CTNNA3: variants seen among roughly 807,000 people sequenced by gnomAD.
The protein encoded by CTNNA3 is catenin alpha 3, also known as catenin alpha-3.
Under a neutral mutation model 95.7 loss-of-function variants are expected in CTNNA3, and 76 were observed. That is an observed-to-expected ratio of 0.79 (90% confidence interval 0.66 to 0.96). The LOEUF is 0.96. CTNNA3 is among the 40% of genes least tolerant of loss of function. CTNNA3 has a pLI of 0.00. For synonymous variants in CTNNA3, 431 were observed against 374.4 expected, an observed-to-expected ratio of 1.15 and a Z score of -1.74; for missense variants, 1,191 against 1,089.8, an observed-to-expected ratio of 1.09 and a Z score of -1.31.
chr10:67,183,415 C>T (rs1439086070), intron 6 of CTNNA3, among the ~76,000 whole-genome samples: 2 of 152,074 alleles, frequency 1.3e-5, no homozygotes, highest in Non-Finnish European at 2.9e-5. Flanking sequence ...TGGAAACCAT[C>T]ATTGTCAGCA....
At chr10:66,044,224 T>G (rs966466006) in intron 15 of CTNNA3, among the ~76,000 whole-genome samples, 19 of 152,146 alleles carry the variant, frequency 1.2e-4, no homozygotes, top group African/African-American at 4.3e-4. Flanking sequence ...ACTTGTGACC[T>G]TAGGTGATCT....
chr10:67,182,736 T>A (rs1442029469), intron 6 of CTNNA3, among the ~76,000 whole-genome samples: 2 of 152,046 alleles, frequency 1.3e-5, no homozygotes, highest in Non-Finnish European at 2.9e-5. Flanking sequence ...GAAACTACCA[T>A]CAGAGTGAAC....
chr10:66,930,184 ATAGT>A (rs559891282), intron 7 of CTNNA3, among the ~76,000 whole-genome samples: 678 of 152,350 alleles, frequency 4.5e-3, no homozygotes, highest in African/African-American at 8.8e-3. Context: ...AGAAAAAGAA[ATAGT>A]TAAAGTGGAT....
At chr10:67,654,140 A>C (rs1209495333) in intron 1 of CTNNA3, among the ~76,000 whole-genome samples, 1 of 152,224 alleles carries the variant, frequency 6.6e-6, no homozygotes. Context: ...AGGGACACAG[A>C]GGTGAGCTCC....
At chr10:67,713,369 A>G (rs1401216578) in intron 1 of CTNNA3, among the ~76,000 whole-genome samples, 3 of 152,378 alleles carry the variant, frequency 2.0e-5, no homozygotes, top group African/African-American at 2.4e-5. Flanking sequence ...TGTGGAAGAC[A>G]GTGTGGTGAT....
At chr10:66,498,714 TCATTCTGTGCAATTA>T (rs1469836657) in intron 11 of CTNNA3, among the ~76,000 whole-genome samples, 2 of 152,158 alleles carry the variant, frequency 1.3e-5, no homozygotes, top group Non-Finnish European at 2.9e-5. Context: ...TGCAGAGTGA[TCATTCTGTGCAATTA>T]CACAGCTAGA....
chr10:67,235,014 G>T (rs1457004836), intron 5 of CTNNA3, among the ~76,000 whole-genome samples: 1 of 149,840 alleles, frequency 6.7e-6, no homozygotes, highest in South Asian at 2.1e-4. Context: ...AAATAAAAGA[G>T]GATACAAACA....
intron 11 of CTNNA3, among the ~76,000 whole-genome samples, chr10:66,438,889 C>T (rs2093356571): frequency 6.6e-6 from 1 of 152,132 alleles, no homozygotes; most frequent in Non-Finnish European, 1.5e-5. Flanking sequence ...AGTATATGGG[C>T]CAGAGTGCAC....
At chr10:67,569,902 A>T (rs1220230186) in intron 3 of CTNNA3, among the ~76,000 whole-genome samples, 1 of 151,966 alleles carries the variant, frequency 6.6e-6, no homozygotes, top group African/African-American at 2.4e-5. Context: ...TTCTCGAGAG[A>T]CTTTTATTCT....
At chr10:67,418,678 T>C (rs991306636) in intron 5 of CTNNA3, among the ~76,000 whole-genome samples, 11 of 152,180 alleles carry the variant, frequency 7.2e-5, no homozygotes, top group Admixed American at 2.6e-4. Flanking sequence ...AGAATGCTAG[T>C]TACCAGGGTC....
intron 5 of CTNNA3, among the ~76,000 whole-genome samples, chr10:67,483,518 C>G (rs1589341924): frequency 6.7e-6 from 1 of 150,128 alleles, no homozygotes; most frequent in Admixed American, 6.7e-5. Flanking sequence ...ATCACAAGGA[C>G]AAAAAACCAA....
chr10:67,083,531 T>A (rs905786792), intron 7 of CTNNA3, among the ~76,000 whole-genome samples: 1 of 152,230 alleles, frequency 6.6e-6, no homozygotes, highest in Non-Finnish European at 1.5e-5. Context: ...ACATTTGAGT[T>A]ATATGTGAAT....
At position 66,962,896 on chromosome 10, in the gene CTNNA3, G is replaced by C. The variant is rs1349357232; in HGVS notation, c.1048-187372C>G. Among the ~76,000 whole-genome samples the C allele has an allele frequency of 2.0e-5, 3 of 152,142 alleles. No homozygotes were observed. The East Asian group carries it at 5.8e-4, about 29-fold the overall frequency. ...TTGCCCAACAATGCACCCCATAAAGGCTGAGATTTTTGCCTGGTATGTTCA... is the reference window on the plus strand; with the variant it reads ...TTGCCCAACAATGCACCCCATAAAGCCTGAGATTTTTGCCTGGTATGTTCA... On this transcript the variant is annotated intron_variant, in intron 7 of 17. Coordinates refer to ENST00000433211, the MANE Select transcript of CTNNA3 (RefSeq NM_013266.4).
Position 66,133,558 on chromosome 10 carries a change from G to C in CTNNA3, c.1885-30309C>G, listed in dbSNP as rs535412705. Reference sequence around the variant, plus strand: ...AAAAACAAAAAAAACAGAAGAAAGAGAGAAATAAAGCGAGAAAGCATCTAA... The same window carrying C: ...AAAAACAAAAAAAACAGAAGAAAGACAGAAATAAAGCGAGAAAGCATCTAA... On this transcript the variant is annotated intron_variant, in intron 13 of 17. Coordinates refer to ENST00000433211, the MANE Select transcript of CTNNA3 (RefSeq NM_013266.4). Among the ~76,000 whole-genome samples, 7 of 150,166 alleles carry C rather than the reference G, an allele frequency of 4.7e-5. No individual in the cohort carries two copies. The South Asian group carries it at 1.5e-3, about 32-fold the overall frequency.
intron 11 of CTNNA3, among the ~76,000 whole-genome samples, chr10:66,386,572 C>A (rs752266864): frequency 1.3e-5 from 2 of 152,188 alleles, no homozygotes; most frequent in African/African-American, 2.4e-5. Flanking sequence ...CAATGACTTT[C>A]TTCACAGAAT....
At chr10:67,031,221 C>T (rs1012211890) in intron 7 of CTNNA3, among the ~76,000 whole-genome samples, 1 of 151,964 alleles carries the variant, frequency 6.6e-6, no homozygotes, top group Non-Finnish European at 1.5e-5. Flanking sequence ...CTATATATAA[C>T]AATACATTTG....
chr10:66,259,798 G>A (rs2090929796), intron 13 of CTNNA3, among the ~76,000 whole-genome samples: 1 of 152,110 alleles, frequency 6.6e-6, no homozygotes, highest in Admixed American at 6.6e-5. Flanking sequence ...AATATTATCA[G>A]AATTGTGGGA....
intron 5 of CTNNA3, among the ~76,000 whole-genome samples, chr10:67,367,387 T>C (rs1843255549): frequency 6.6e-6 from 1 of 151,794 alleles, no homozygotes; most frequent in African/African-American, 2.4e-5. Flanking sequence ...CAAGTCAGAA[T>C]GTCTATTAAT....
intron 12 of CTNNA3, among the ~76,000 whole-genome samples, chr10:66,364,795 A>G (rs2092700109): frequency 6.6e-6 from 1 of 152,090 alleles, no homozygotes; most frequent in East Asian, 1.9e-4. Context: ...GGTTTTCCAT[A>G]TTTCCTCTGT....
Sources: gnomAD v4.1 joint callset for allele counts (sites outside exome capture counted in the v4.1 genomes callset) on GRCh38, gnomAD v4.1.1 for gene constraint, MANE v1.5 for transcripts, NCBI Gene and HGNC (gene_info 2026-07-23, HGNC 2026-07-21) for gene names.